The following F13A1 variants were observed in gnomAD, a reference collection of about 807,000 sequenced individuals.
F13A1 encodes the protein coagulation factor XIII A chain.
A neutral mutation model predicts 80.1 loss-of-function variants in F13A1; 47 were observed. The observed-to-expected ratio is 0.59, with a 90% confidence interval of 0.46 to 0.75. The LOEUF is 0.75. Among genes scored for constraint, F13A1 ranks in the 30% least tolerant of loss-of-function variants. The pLI is 0.00. For synonymous variants in F13A1, 349 were observed against 344.9 expected, an observed-to-expected ratio of 1.01 and a Z score of -0.13; for missense variants, 817 against 930.4, an observed-to-expected ratio of 0.88 and a Z score of 1.59.
At chr6:6,221,897 C>G in intron 8 of F13A1, 136 bp downstream of exon 8, 1 of 999,282 alleles carries the variant, frequency 1.0e-6, no homozygotes, top group Non-Finnish European at 1.5e-6. Context: ...CATTCTTTGA[C>G]AATCAGAGTT....
chr6:6,219,996 A>G (rs994864962), intron 8 of F13A1, among the ~76,000 whole-genome samples: 2 of 152,144 alleles, frequency 1.3e-5, no homozygotes, highest in African/African-American at 4.8e-5. Context: ...TCCACTTTAG[A>G]GGAGAAAAGA....
intron 6 of F13A1, among the ~76,000 whole-genome samples, chr6:6,226,559 A>G (rs1270321532): frequency 2.6e-5 from 4 of 152,166 alleles, no homozygotes; most frequent in Non-Finnish European, 2.9e-5. Context: ...ACCAACTAAC[A>G]ACTCAGCCTC....
At chr6:6,157,234 C>T (rs1445295963) in intron 13 of F13A1, among the ~76,000 whole-genome samples, 2 of 152,074 alleles carry the variant, frequency 1.3e-5, no homozygotes, top group East Asian at 3.8e-4. Context: ...TCTCTACAGC[C>T]CTATGGTCTT....
At chr6:6,213,485 T>G (rs1428665159) in intron 8 of F13A1, among the ~76,000 whole-genome samples, 1 of 141,566 alleles carries the variant, frequency 7.1e-6, no homozygotes, top group Non-Finnish European at 1.6e-5. Flanking sequence ...TGCTGAGAGA[T>G]TTTGTCACCA....
chr6:6,259,800 A>C (rs912759815), intron 4 of F13A1, among the ~76,000 whole-genome samples: 3 of 152,194 alleles, frequency 2.0e-5, no homozygotes, highest in Admixed American at 1.3e-4. Context: ...GGAGAATGGA[A>C]TGGGGGAACA....
At chr6:6,180,276 C>G (rs1218037900) in intron 11 of F13A1, among the ~76,000 whole-genome samples, 1 of 152,264 alleles carries the variant, frequency 6.6e-6, no homozygotes, top group East Asian at 1.9e-4. Context: ...TCTTCCCCAA[C>G]TGCCGATTCT....
At chr6:6,313,292 T>G (rs1758632867) in intron 2 of F13A1, among the ~76,000 whole-genome samples, 1 of 151,570 alleles carries the variant, frequency 6.6e-6, no homozygotes, top group East Asian at 1.9e-4. Flanking sequence ...TTTTTTTTTT[T>G]TTTTTTTTAA....
intron 10 of F13A1, among the ~76,000 whole-genome samples, chr6:6,191,253 G>C (rs1032925290): frequency 4.6e-5 from 7 of 151,960 alleles, no homozygotes; most frequent in African/African-American, 1.7e-4. Flanking sequence ...TCCTCCCTCC[G>C]AGTTACTGAA....
intron 3 of F13A1, among the ~76,000 whole-genome samples, chr6:6,295,304 T>C (rs1377852219): frequency 1.3e-5 from 2 of 148,426 alleles, no homozygotes; most frequent in African/African-American, 5.2e-5. Flanking sequence ...GTTCTAGATC[T>C]CTGAGGAATT....
intron 12 of F13A1, among the ~76,000 whole-genome samples, chr6:6,168,827 C>A (rs1001588420): frequency 6.6e-6 from 1 of 152,200 alleles, no homozygotes; most frequent in African/African-American, 2.4e-5. Context: ...CCTGACTCCC[C>A]ACTGGCTCGA....
chr6:6,307,892 C>T (rs531989526), intron 2 of F13A1, among the ~76,000 whole-genome samples: 3 of 152,166 alleles, frequency 2.0e-5, no homozygotes, highest in East Asian at 1.9e-4. Context: ...CATGGGTCCT[C>T]GTTCTGACTT....
At chr6:6,161,567 A>C (rs1760576093) in intron 13 of F13A1, among the ~76,000 whole-genome samples, 1 of 141,990 alleles carries the variant, frequency 7.0e-6, no homozygotes, top group Admixed American at 6.8e-5. Flanking sequence ...AGAGAGAGAG[A>C]GAGAGAGAGA....
intron 3 of F13A1, among the ~76,000 whole-genome samples, chr6:6,290,497 T>C (rs1288623046): frequency 6.6e-6 from 1 of 152,222 alleles, no homozygotes; most frequent in Non-Finnish European, 1.5e-5. Context: ...TTGGGAATTA[T>C]TGGGCTAAAC....
chr6:6,239,381 G>T (rs933548242), intron 6 of F13A1, among the ~76,000 whole-genome samples: 1 of 152,078 alleles, frequency 6.6e-6, no homozygotes, highest in African/African-American at 2.4e-5. Flanking sequence ...TCTATATTTT[G>T]ATTGGGGTGG....
chr6:6,190,813 C>T (rs527578559), intron 10 of F13A1, among the ~76,000 whole-genome samples: 5 of 152,258 alleles, frequency 3.3e-5, no homozygotes, highest in African/African-American at 9.6e-5. Context: ...GTGGGCGCCC[C>T]TCCCCCAGCC....
At chr6:6,153,520 G>A (rs116537157) in intron 13 of F13A1, among the ~76,000 whole-genome samples, 178 of 152,258 alleles carry the variant, frequency 1.2e-3, no homozygotes, top group African/African-American at 4.1e-3. Flanking sequence ...TAAGAAAAAC[G>A]AAACTTTCAG....
At chr6:6,251,205 T>C (rs772899392) in intron 4 of F13A1, among the ~76,000 whole-genome samples, 1 of 152,252 alleles carries the variant, frequency 6.6e-6, no homozygotes, top group Non-Finnish European at 1.5e-5. Context: ...TAAATTGATA[T>C]GTCTCATTAA....
chr6:6,145,640 A>G lies in F13A1; in HGVS notation c.2178T>C (p.Ile726=). The G allele has an allele frequency of 6.2e-7, 1 of 1,614,162 alleles. No individual in the cohort carries two copies. Among genetic ancestry groups the G allele is most frequent in the Non-Finnish European group, 8.5e-7 (1 of 1,180,006 alleles). The change falls in exon 15 of 15, where the codon ATT becomes ATC. Residue 726 remains isoleucine, a synonymous_variant. Transcript: ENST00000264870. ...RHVYGELDVQ[I]QRRPSM is the part of the protein sequence containing the mutation. ...GCATTCACATGGAAGGTCGTCTTTG[A>G]ATCTGCACGTCCAGCTCGCCATACA...
intron 7 of F13A1, among the ~76,000 whole-genome samples, chr6:6,223,820 G>A (rs1027835741): frequency 2.4e-4 from 37 of 152,022 alleles, no homozygotes; most frequent in African/African-American, 8.9e-4. Context: ...TTTAAAAAAT[G>A]TTAGCTAGGT....
Sources: allele counts gnomAD v4.1 joint callset (sites outside exome capture counted in the v4.1 genomes callset), GRCh38; gene constraint gnomAD v4.1.1; transcripts MANE v1.5; gene names NCBI Gene and HGNC (gene_info 2026-07-23, HGNC 2026-07-21).